The following SDK1 variants were observed in gnomAD, a reference collection of about 807,000 sequenced individuals.
SDK1 encodes the protein protein sidekick-1.
SDK1 carries 157 observed loss-of-function variants against 245.5 expected under a neutral mutation model. The observed-to-expected ratio is 0.64, with a 90% CI of 0.56 to 0.73. The LOEUF (loss-of-function observed/expected upper bound fraction) is 0.73. SDK1 is among the 30% of genes least tolerant of loss of function. The pLI, the probability that SDK1 is intolerant of heterozygous loss-of-function variation, is 0.00. For missense variants in SDK1, 3,583 were observed against 3,002.3 expected, an observed-to-expected ratio of 1.19 and a Z score of -4.52; for synonymous variants, 1,647 against 1,278.5, an observed-to-expected ratio of 1.29 and a Z score of -6.15.
rs868283273 is a variant in SDK1, at chr7:3,987,200, C to T, written c.2009C>T (p.Ser670Leu). Residue 670 changes from serine (S) to leucine (L), a missense_variant, in exon 14 of 45, where the codon TCA becomes TTA. Ser to Leu is a moderately radical substitution (Grantham distance 145). Coordinates refer to ENST00000404826, the MANE Select transcript of SDK1 (RefSeq NM_152744.4). ...TTCAATTCAAGTGAACTGCCTCATT[C>T]ACCTCAGAACCTCCTGGTCAGCCCT... ...ARLEVIELPH[S>L]PQNLLVSPNS... The T allele has an allele frequency of 1.2e-6, 2 of 1,614,070 alleles. No individual in the cohort carries two copies. Among genetic ancestry groups the T allele is most frequent in the Non-Finnish European group, 1.7e-6 (2 of 1,179,998 alleles).
At chr7:3,538,987 C>G (rs947604053) in intron 1 of SDK1, among the ~76,000 whole-genome samples, 8 of 152,230 alleles carry the variant, frequency 5.3e-5, no homozygotes, top group African/African-American at 9.6e-5. Flanking sequence ...TGGCATGTCT[C>G]TTCAATGCAG....
chr7:3,726,639 C>T (rs2115036017), intron 4 of SDK1, among the ~76,000 whole-genome samples: 1 of 152,322 alleles, frequency 6.6e-6, no homozygotes, highest in Admixed American at 6.5e-5. Flanking sequence ...ACAACTTAGC[C>T]TTTAATGCTT....
At chr7:3,430,224 G>A (rs887301946) in intron 1 of SDK1, among the ~76,000 whole-genome samples, 1 of 152,092 alleles carries the variant, frequency 6.6e-6, no homozygotes, top group Non-Finnish European at 1.5e-5. Context: ...TTCTAAATTT[G>A]GTAATAAAAG....
chr7:3,342,770 A>G (rs1374861517), intron 1 of SDK1, among the ~76,000 whole-genome samples: 1 of 152,180 alleles, frequency 6.6e-6, no homozygotes, highest in East Asian at 1.9e-4. Flanking sequence ...CTAGTAGAAA[A>G]TATTTTCATC....
intron 38 of SDK1, among the ~76,000 whole-genome samples, chr7:4,211,192 A>G (rs1423954229): frequency 6.6e-6 from 1 of 152,186 alleles, no homozygotes; most frequent in African/African-American, 2.4e-5. Flanking sequence ...TCATCTCCAC[A>G]CTTCCTAGAT....
At chr7:4,195,510 G>C (rs1191522792) in intron 35 of SDK1, among the ~76,000 whole-genome samples, 1 of 152,166 alleles carries the variant, frequency 6.6e-6, no homozygotes, top group African/African-American at 2.4e-5. Flanking sequence ...TCCCGCCTGG[G>C]AGTCTCTTGG....
At chr7:4,023,897 G>A (rs1030947812) in intron 17 of SDK1, among the ~76,000 whole-genome samples, 1 of 152,192 alleles carries the variant, frequency 6.6e-6, no homozygotes, top group Non-Finnish European at 1.5e-5. Context: ...AAATGTAATC[G>A]ATTACAGTTT....
chr7:3,676,526 C>T (rs767734498), intron 4 of SDK1, among the ~76,000 whole-genome samples: 20 of 152,024 alleles, frequency 1.3e-4, no homozygotes, highest in Non-Finnish European at 2.4e-4. Flanking sequence ...GGGGTTTCAC[C>T]CTGTTAGCCG....
chr7:3,600,462 A>T (rs2128638537), intron 1 of SDK1, among the ~76,000 whole-genome samples: 1 of 151,538 alleles, frequency 6.6e-6, no homozygotes. Flanking sequence ...GTTGAATAGG[A>T]GTGATGAGAG....
At chr7:3,664,976 A>G (rs1301882662) in intron 4 of SDK1, among the ~76,000 whole-genome samples, 1 of 152,216 alleles carries the variant, frequency 6.6e-6, no homozygotes, top group African/African-American at 2.4e-5. Context: ...CCACAGCAGG[A>G]TGATTCAGAC....
At chr7:3,742,075 T>TG (rs927647860) in intron 4 of SDK1, among the ~76,000 whole-genome samples, 36 of 149,310 alleles carry the variant, frequency 2.4e-4, no homozygotes, top group Non-Finnish European at 3.3e-4. Flanking sequence ...AGCACAAATT[T>TG]GGGGGGGGAG....
intron 5 of SDK1, among the ~76,000 whole-genome samples, chr7:3,929,585 C>G (rs1334305631): frequency 2.6e-5 from 4 of 152,168 alleles, no homozygotes; most frequent in Non-Finnish European, 5.9e-5. Flanking sequence ...TGGGACTGTT[C>G]TAAACTCCTT....
chr7:3,321,919 A>G (rs1458455851), intron 1 of SDK1, among the ~76,000 whole-genome samples: 1 of 148,192 alleles, frequency 6.7e-6, no homozygotes, highest in Non-Finnish European at 1.5e-5. Context: ...AGCGGAATGT[A>G]TACACAGAAG....
At chr7:3,742,516 C>T (rs546332625) in intron 4 of SDK1, among the ~76,000 whole-genome samples, 4 of 152,226 alleles carry the variant, frequency 2.6e-5, no homozygotes, top group East Asian at 1.9e-4. Context: ...CAGTTTCTCC[C>T]GACATTTGCA....
At chr7:3,375,814 A>C (rs1554497) in intron 1 of SDK1, among the ~76,000 whole-genome samples, 74,253 of 151,994 alleles carry the variant, frequency 0.49, 19,415 homozygotes, top group East Asian at 0.62. Context: ...CCTCATGTGG[A>C]TACAGCTAAA....
At chr7:4,049,057 G>T (rs150689630) in intron 17 of SDK1, among the ~76,000 whole-genome samples, 22 of 152,108 alleles carry the variant, frequency 1.4e-4, no homozygotes, top group African/African-American at 4.6e-4. Context: ...AGCTTTGCTT[G>T]CCGTCCGTCT....
At chr7:3,611,967 G>A (rs1243722021) in intron 1 of SDK1, among the ~76,000 whole-genome samples, 1 of 152,160 alleles carries the variant, frequency 6.6e-6, no homozygotes, top group East Asian at 1.9e-4. Context: ...TGGAACTGGA[G>A]ACCATTATTC....
chr7:3,610,459 A>G (rs560898646), intron 1 of SDK1, among the ~76,000 whole-genome samples: 1 of 152,226 alleles, frequency 6.6e-6, no homozygotes, highest in Non-Finnish European at 1.5e-5. Flanking sequence ...TAGAAATGAC[A>G]GTTCAGTATA....
chr7:3,787,473 TG>T (rs1384033774), intron 4 of SDK1, among the ~76,000 whole-genome samples: 1 of 152,034 alleles, frequency 6.6e-6, no homozygotes, highest in Non-Finnish European at 1.5e-5. Flanking sequence ...GAGATGAACC[TG>T]TGTAAAAAGA....
Sources: allele counts gnomAD v4.1 joint callset (sites outside exome capture counted in the v4.1 genomes callset), GRCh38; gene constraint gnomAD v4.1.1; transcripts MANE v1.5; gene names NCBI Gene and HGNC (gene_info 2026-07-23, HGNC 2026-07-21).